DAGLA: variants seen among roughly 807,000 people sequenced by gnomAD.
DAGLA encodes the protein diacylglycerol lipase-alpha.
A neutral mutation model predicts 102.6 loss-of-function variants in DAGLA; 22 were observed. The ratio of observed to expected loss-of-function variants is 0.21; its 90% CI spans 0.15 to 0.31. The LOEUF is 0.31. Among genes scored for constraint, DAGLA ranks in the 10% least tolerant of loss-of-function variants. The pLI is 1.00. For missense variants in DAGLA, 927 were observed against 1,446.6 expected (o/e 0.64, Z 5.83); for synonymous variants, 578 against 628.9 (o/e 0.92, Z 1.21).
At chr11:61,705,831 T>C (rs1204424735) in intron 1 of DAGLA, among the ~76,000 whole-genome samples, 1 of 152,212 alleles carries the variant, frequency 6.6e-6, no homozygotes, top group Non-Finnish European at 1.5e-5. Context: ...CAGGGCTGTT[T>C]CCAGCCTTTT....
At chr11:61,702,001 C>G (rs198450) in intron 1 of DAGLA, among the ~76,000 whole-genome samples, 2 of 151,890 alleles carry the variant, frequency 1.3e-5, no homozygotes, top group Admixed American at 1.3e-4. Flanking sequence ...TTCTCAAACT[C>G]CTGGCCTCAA....
At position 61,745,782 on chromosome 11, in the gene DAGLA, AG is replaced by A. The variant is rs1194684033; in HGVS notation, c.*1297del. On this transcript the variant is annotated 3_prime_UTR_variant, in exon 20 of 20. Coordinates refer to ENST00000257215, the MANE Select transcript of DAGLA (RefSeq NM_006133.3). Reference sequence around the variant, plus strand: ...CATGAGTGTGCACCGTTCCTAAGGAAGGGGCCTCTGGGGCTGCCCACCCTAC... The same window carrying A: ...CATGAGTGTGCACCGTTCCTAAGGAAGGGCCTCTGGGGCTGCCCACCCTAC... 2 of 152,340 alleles carry A rather than the reference AG, an allele frequency of 1.3e-5. No individual in the cohort carries two copies. The highest frequency in any genetic ancestry group is 2.9e-5 in the Non-Finnish European group (2 of 68,156). The allele number at this position is 152,340 out of a possible 1,614,324, so 9.4% of individuals were successfully genotyped here.
At chr11:61,692,533 A>T (rs1046915750) in intron 1 of DAGLA, among the ~76,000 whole-genome samples, 3 of 151,980 alleles carry the variant, frequency 2.0e-5, no homozygotes, top group Non-Finnish European at 2.9e-5. Flanking sequence ...ACTGGCGACC[A>T]CTCATTGCCT....
At chr11:61,731,512 G>A (rs181273736) in intron 9 of DAGLA, 71 bp downstream of exon 9, 40 of 1,589,048 alleles carry the variant, frequency 2.5e-5, no homozygotes, top group African/African-American at 2.0e-4. Flanking sequence ...AAGGGCTACC[G>A]GGCTGCGCCT....
At chr11:61,713,212 G>A (rs539512684) in intron 1 of DAGLA, among the ~76,000 whole-genome samples, 1 of 152,324 alleles carries the variant, frequency 6.6e-6, no homozygotes, top group East Asian at 1.9e-4. Flanking sequence ...AAGAGGCTTA[G>A]AGCCAGCTTT....
chr11:61,744,118 C>T lies in DAGLA; in HGVS notation c.2758C>T (p.Leu920Phe). The T allele has an allele frequency of 1.2e-6, 2 of 1,613,048 alleles. No individual in the cohort carries two copies. The highest frequency in any genetic ancestry group is 1.7e-6 in the Non-Finnish European group (2 of 1,179,992). ...VLEFAEFIDS[L>F]FNLDSKSSSF... ...GGAATTCGCCGAGTTCATCGACAGC[C>T]TCTTCAACCTGGACAGCAAGAGCAG... Residue 920 changes from leucine to phenylalanine, a missense_variant, in exon 20 of 20, where the codon CTC becomes TTC. By Grantham distance (22) the Leu-to-Phe change is conservative. Coordinates refer to ENST00000257215, the MANE Select transcript of DAGLA (RefSeq NM_006133.3).
intron 1 of DAGLA, among the ~76,000 whole-genome samples, chr11:61,692,718 GT>G (rs1348490899): frequency 6.6e-6 from 1 of 152,106 alleles, no homozygotes; most frequent in Non-Finnish European, 1.5e-5. Flanking sequence ...GGGCCCAGCT[GT>G]GGGGTTTTCT....
In DAGLA at chr11:61,743,867, C is replaced by T. The variant is rs1007000574; in HGVS notation, c.2507C>T (p.Ser836Leu). 5.0e-6 allele frequency: 8 copies of T among 1,612,508 alleles called. No individual in the cohort carries two copies. The highest frequency in any genetic ancestry group is 5.9e-6 in the Non-Finnish European group (7 of 1,179,920). ...CCCGAGGAAAACCCATCCCTGAGCT[C>T]GCGCACTGAGCTGCTGGCGGCCGAC... is the stretch of plus-strand genomic sequence containing the variant. The part of the protein sequence containing the change: ...AIPEENPSLS[S>L]RTELLAADSL... Residue 836 changes from serine to leucine, a missense_variant, in exon 20 of 20, where the codon TCG becomes TTG. Coordinates refer to ENST00000257215, the MANE Select transcript of DAGLA (RefSeq NM_006133.3).
At position 61,743,953 on chromosome 11, in the gene DAGLA, G is replaced by A. The variant is rs781535894; in HGVS notation, c.2593G>A (p.Val865Ile). 1.5e-5 allele frequency: 24 copies of A among 1,611,736 alleles called. No homozygotes were observed. The highest frequency in any genetic ancestry group is 6.7e-5 in the African/African-American group (5 of 74,918). The change falls in exon 20 of 20, where the codon GTC (valine) becomes ATC (isoleucine). Residue 865 changes from valine (V) to isoleucine (I), a missense_variant. By Grantham distance (29) the Val-to-Ile change is conservative. Coordinates refer to ENST00000257215, the MANE Select transcript of DAGLA (RefSeq NM_006133.3). ...GGAGGCGGCCCTGGGCAGTGGCGGCGTCACTCCTGAGCGGCCCCCCAGTGC... is the reference window on the plus strand; with the variant it reads ...GGAGGCGGCCCTGGGCAGTGGCGGCATCACTCCTGAGCGGCCCCCCAGTGC... ...PLEAALGSGGVTPERPPSAAA... is the reference protein window; with the variant it reads ...PLEAALGSGGITPERPPSAAA...
chr11:61,733,073 G>C (rs2065390165), intron 9 of DAGLA, among the ~76,000 whole-genome samples: 1 of 152,240 alleles, frequency 6.6e-6, no homozygotes, highest in South Asian at 2.1e-4. Flanking sequence ...TTATAGGCCA[G>C]ACCATTTCTG....
At chr11:61,690,062 C>G (rs751625395) in intron 1 of DAGLA, among the ~76,000 whole-genome samples, 3 of 152,192 alleles carry the variant, frequency 2.0e-5, no homozygotes, top group African/African-American at 4.8e-5. Context: ...CAGCTGAGGC[C>G]TGAGCTTCCA....
chr11:61,701,757 G>C lies in DAGLA; in HGVS notation c.-44-18355G>C, dbSNP rs61896061. ...AGCCTGCTGAGGTCACACAGCGGCA[G>C]TCAGTGGGGGGTTAGGTTTTCTTGT... On this transcript the variant is annotated intron_variant, in intron 1 of 19. Transcript: ENST00000257215. Among the ~76,000 whole-genome samples, 557 of 152,302 alleles carry C rather than the reference G, an allele frequency of 3.7e-3. 1 individual carries two copies. The highest frequency in any genetic ancestry group is 6.8e-3 in the Middle Eastern group (2 of 294).
Position 61,726,046 on chromosome 11 carries a change from G to A in DAGLA, c.600G>A (p.Val200=). 1 of 1,613,334 alleles carries A rather than the reference G, an allele frequency of 6.2e-7. No individual in the cohort carries two copies. Among genetic ancestry groups the A allele is most frequent in the Non-Finnish European group, 8.5e-7 (1 of 1,180,040 alleles). ...QATSWSRRLK[V]FLCCTRTKDS... The stretch of plus-strand genomic sequence containing the variant: ...CCAGCTGGTCGCGCCGGCTCAAAGT[G>A]TTCCTCTGCTGCACGCGGACGAAGG... Residue 200 remains valine, a synonymous_variant, in exon 6 of 20, where the codon GTG becomes GTA. Coordinates refer to ENST00000257215, the MANE Select transcript of DAGLA (RefSeq NM_006133.3).
intron 18 of DAGLA, among the ~76,000 whole-genome samples, chr11:61,740,858 C>T (rs978275994): frequency 4.6e-5 from 7 of 152,162 alleles, no homozygotes; most frequent in Non-Finnish European, 7.3e-5. Flanking sequence ...CTCAGAGGCC[C>T]GGAAGGCCAC....
intron 8 of DAGLA, 31 bp downstream of exon 8, chr11:61,729,039 C>G: frequency 6.3e-7 from 1 of 1,587,248 alleles, no homozygotes; most frequent in South Asian, 1.1e-5. Flanking sequence ...CACCCCACCC[C>G]GTCCCCATCC....
intron 1 of DAGLA, among the ~76,000 whole-genome samples, chr11:61,707,659 A>G (rs766080213): frequency 6.6e-6 from 1 of 152,230 alleles, no homozygotes; most frequent in Non-Finnish European, 1.5e-5. Context: ...GCCAGCTGGG[A>G]CAGGCACTGA....
At chr11:61,712,578 T>A (rs1168689630) in intron 1 of DAGLA, among the ~76,000 whole-genome samples, 1 of 152,212 alleles carries the variant, frequency 6.6e-6, no homozygotes, top group African/African-American at 2.4e-5. Flanking sequence ...CAGGCTCCGC[T>A]CTGCCTTCTG....
At chr11:61,740,869 C>T (rs1389638397) in intron 18 of DAGLA, among the ~76,000 whole-genome samples, 1 of 152,208 alleles carries the variant, frequency 6.6e-6, no homozygotes, top group Admixed American at 6.5e-5. Flanking sequence ...GGAAGGCCAC[C>T]TGGCCCTTAA....
intron 5 of DAGLA, 29 bp downstream of exon 5, chr11:61,723,601 C>T (rs1372830588): frequency 6.2e-7 from 1 of 1,604,916 alleles, no homozygotes; most frequent in African/African-American, 1.3e-5. Flanking sequence ...TGGGCAGTCC[C>T]AGGGTGGGCT....
Sources: gnomAD v4.1 joint callset for allele counts (sites outside exome capture counted in the v4.1 genomes callset) on GRCh38, gnomAD v4.1.1 for gene constraint, MANE v1.5 for transcripts, NCBI Gene and HGNC (gene_info 2026-07-23, HGNC 2026-07-21) for gene names.